The following FOSL1 variants were observed in gnomAD, a reference collection of about 807,000 sequenced individuals.
FOSL1 encodes FOS like 1, AP-1 transcription factor subunit, also known as fos-related antigen 1.
Under a neutral mutation model 24.9 loss-of-function variants are expected in FOSL1, and 14 were observed. That is an observed-to-expected ratio of 0.56 (90% CI 0.37 to 0.88). The LOEUF is 0.88. Ranked by LOEUF, FOSL1 falls within the 40% of genes least tolerant of loss-of-function variation. The probability of loss-of-function intolerance (pLI) is 0.00; values close to 1 mark genes in which losing one functional copy is unlikely to be tolerated. For missense variants in FOSL1, 318 were observed against 359.8 expected, an observed-to-expected ratio of 0.88 and a Z score of 0.94; for synonymous variants, 133 against 145.1, an observed-to-expected ratio of 0.92 and a Z score of 0.60.
intron 2 of FOSL1, 80 bp from the exon 3 acceptor site, chr11:65,894,201 G>C: frequency 9.6e-7 from 1 of 1,040,386 alleles, no homozygotes; most frequent in Non-Finnish European, 1.4e-6. Context: ...CCCAGTGGTA[G>C]GACCCTGGCA....
intron 1 of FOSL1, among the ~76,000 whole-genome samples, chr11:65,900,038 G>C (rs7128298): frequency 0.035 from 5,326 of 152,328 alleles, 324 homozygotes; most frequent in African/African-American, 0.12. Context: ...GGGCGGCTGG[G>C]AGAAGGGGAG....
At chr11:65,896,270 C>G (rs1860523219) in intron 2 of FOSL1, among the ~76,000 whole-genome samples, 3 of 152,120 alleles carry the variant, frequency 2.0e-5, no homozygotes, top group Non-Finnish European at 4.4e-5. Context: ...AAGTGACTAC[C>G]CTTCTGTGCC....
chr11:65,899,022 T>C (rs1218540351), intron 1 of FOSL1, among the ~76,000 whole-genome samples: 1 of 149,298 alleles, frequency 6.7e-6, no homozygotes, highest in Non-Finnish European at 1.5e-5. Context: ...AAAGTTATAG[T>C]GGGTTTTTTT....
At chr11:65,897,953 C>T (rs1364009396) in intron 1 of FOSL1, among the ~76,000 whole-genome samples, 2 of 147,980 alleles carry the variant, frequency 1.4e-5, no homozygotes, top group South Asian at 2.1e-4. Flanking sequence ...CAGTGACCTG[C>T]GGGCTCAAGC....
At chr11:65,897,659 C>T (rs960300947) in intron 1 of FOSL1, among the ~76,000 whole-genome samples, 3 of 151,988 alleles carry the variant, frequency 2.0e-5, no homozygotes, top group Non-Finnish European at 2.9e-5. Context: ...CATTTTCAGA[C>T]GGGAGAACAG....
intron 1 of FOSL1, among the ~76,000 whole-genome samples, chr11:65,898,874 T>C (rs927494907): frequency 6.6e-6 from 1 of 151,074 alleles, no homozygotes; most frequent in Non-Finnish European, 1.5e-5. Context: ...CTCAGTAGGA[T>C]TGCTTGAGCC....
At chr11:65,898,369 G>A (rs144827592) in intron 1 of FOSL1, among the ~76,000 whole-genome samples, 6 of 151,904 alleles carry the variant, frequency 3.9e-5, no homozygotes, top group African/African-American at 1.5e-4. Context: ...TTTTTTTGTA[G>A]AGACAGGGTC....
chr11:65,894,092 T>TCGG lies in FOSL1; in HGVS notation c.324_326dup (p.Arg109dup). ...CCAGCTTGTTCCGCTCGCGCCTTACTCGGCGGCGCTCCTCTTCCTCCGGGC... is the reference window on the plus strand; with the variant it reads ...CCAGCTTGTTCCGCTCGCGCCTTACTCGGCGGCGGCGCTCCTCTTCCTCCGGGC... On this transcript the variant is annotated inframe_insertion, in exon 3 of 4. Transcript: ENST00000312562. 1 of 1,609,226 alleles carries TCGG rather than the reference T, an allele frequency of 6.2e-7. No homozygotes were observed. The highest frequency in any genetic ancestry group is 1.1e-5 in the South Asian group (1 of 90,526).
chr11:65,897,403 G>A (rs1460400593), intron 1 of FOSL1, among the ~76,000 whole-genome samples: 7 of 148,870 alleles, frequency 4.7e-5, no homozygotes, highest in East Asian at 3.9e-4. Flanking sequence ...GTAGTGGCAC[G>A]ATCTCAGCTC....
chr11:65,893,309 A>C lies in FOSL1; in HGVS notation c.406-13T>G, dbSNP rs778388133. The C allele has an allele frequency of 1.3e-6, 2 of 1,529,692 alleles. No homozygotes were observed. The highest frequency in any genetic ancestry group is 2.8e-5 in the African/African-American group (2 of 72,044). 94.8% of individuals were successfully genotyped at this position (1,529,692 alleles called of 1,614,324 possible). On this transcript the variant is annotated splice_polypyrimidine_tract_variant and intron_variant, in intron 3 of 3. Transcript: ENST00000312562. ...GTTTGTCAGTCTCCTGTAGAAGATC[A>C]GGAGAGGAGTCAGAAAGGTGAGGGC...
intron 2 of FOSL1, among the ~76,000 whole-genome samples, chr11:65,895,188 A>T (rs1364293620): frequency 8.6e-5 from 12 of 139,242 alleles, no homozygotes; most frequent in Non-Finnish European, 1.4e-4. Context: ...CAGTGGTGCC[A>T]TCTCGGCTCA....
At chr11:65,899,197 G>A (rs1407314829) in intron 1 of FOSL1, among the ~76,000 whole-genome samples, 1 of 152,176 alleles carries the variant, frequency 6.6e-6, no homozygotes, top group Non-Finnish European at 1.5e-5. Flanking sequence ...GCTGGGCCCT[G>A]GGTGTGGGCG....
intron 1 of FOSL1, among the ~76,000 whole-genome samples, chr11:65,899,540 T>C (rs1345959078): frequency 6.6e-6 from 1 of 152,324 alleles, no homozygotes. Flanking sequence ...CGTTAGGGGC[T>C]GAGAGTGGGG....
chr11:65,897,999 T>C (rs1860570582), intron 1 of FOSL1, among the ~76,000 whole-genome samples: 1 of 146,100 alleles, frequency 6.8e-6, no homozygotes, highest in South Asian at 2.2e-4. Flanking sequence ...TAGCTGGGAC[T>C]ACCGACGTGC....
At chr11:65,899,730 GGACA>G (rs1321058550) in intron 1 of FOSL1, among the ~76,000 whole-genome samples, 2 of 152,346 alleles carry the variant, frequency 1.3e-5, no homozygotes, top group East Asian at 1.9e-4. Context: ...GAGGGGCGAA[GGACA>G]GACAGACGGA....
chr11:65,900,327 A>G lies in FOSL1; in HGVS notation c.13T>C (p.Phe5Leu). ...CCGGAGCTCGGGCCGGGTTCCCCGAAGTCTCGGAACATGCCCGGGGCTGGC... is the reference window on the plus strand; with the variant it reads ...CCGGAGCTCGGGCCGGGTTCCCCGAGGTCTCGGAACATGCCCGGGGCTGGC... MFRDFGEPGPSSGNG... is the reference protein window; with the variant it reads MFRDLGEPGPSSGNG... Residue 5 changes from phenylalanine (F) to leucine (L), a missense_variant, in exon 1 of 4, where the codon TTC (phenylalanine) becomes CTC (leucine). Transcript: ENST00000312562. 8.1e-7 allele frequency: 1 copy of G among 1,241,062 alleles called. No individual in the cohort carries two copies. The highest frequency in any genetic ancestry group is 1.0e-6 in the Non-Finnish European group (1 of 992,180). The allele number at this position is 1,241,062 out of a possible 1,614,324, so 76.9% of individuals were successfully genotyped here.
intron 1 of FOSL1, among the ~76,000 whole-genome samples, chr11:65,899,376 A>G (rs1256486735): frequency 6.6e-6 from 1 of 152,108 alleles, no homozygotes; most frequent in African/African-American, 2.4e-5. Context: ...GAAGGGAGGG[A>G]CGCCCCGGGT....
chr11:65,900,290 C>T lies in FOSL1; in HGVS notation c.50G>A (p.Gly17Glu), dbSNP rs777051783. 160 of 1,246,374 alleles carry T rather than the reference C, an allele frequency of 1.3e-4. No homozygotes were observed. The highest frequency in any genetic ancestry group is 1.5e-4 in the Non-Finnish European group (154 of 995,560). The allele number at this position is 1,246,374 out of a possible 1,614,324, so 77.2% of individuals were successfully genotyped here. A position where few individuals can be genotyped will look rare whatever the true frequency, so the allele number is the denominator to read the frequency against. ...EPGPSSGNGG[G>E]YGGPAQPPAA... is the part of the protein sequence containing the mutation. ...CGGGGGCTGCGCGGGGCCGCCGTAC[C>T]CGCCGCCGTTCCCGGAGCTCGGGCC... The change falls in exon 1 of 4, where the codon GGG becomes GAG. Residue 17 changes from glycine (G) to glutamate (E), a missense_variant. Gly to Glu is a moderately conservative substitution (Grantham distance 98). Coordinates refer to ENST00000312562, the MANE Select transcript of FOSL1 (RefSeq NM_005438.5).
chr11:65,898,002 C>T (rs970292859), intron 1 of FOSL1, among the ~76,000 whole-genome samples: 2 of 149,258 alleles, frequency 1.3e-5, no homozygotes, highest in Non-Finnish European at 3.0e-5. Context: ...CTGGGACTAC[C>T]GACGTGCACC....
Sources: allele counts gnomAD v4.1 joint callset (sites outside exome capture counted in the v4.1 genomes callset), GRCh38; gene constraint gnomAD v4.1.1; transcripts MANE v1.5; gene names NCBI Gene and HGNC (gene_info 2026-07-23, HGNC 2026-07-21).